Variants in WBP1L observed in about 807,000 individuals in gnomAD.
WBP1L encodes WW domain binding protein 1 like.
A neutral mutation model predicts 33.7 loss-of-function variants in WBP1L; 17 were observed. That is an observed-to-expected ratio of 0.50 (90% CI 0.34 to 0.76). WBP1L has a LOEUF of 0.76. Ranked by LOEUF, WBP1L falls within the 30% of genes least tolerant of loss-of-function variation. The probability of loss-of-function intolerance (pLI) is 0.01; values close to 1 mark genes in which losing one functional copy is unlikely to be tolerated. For missense variants in WBP1L, 389 were observed against 469.4 expected (o/e 0.83, Z 1.58); for synonymous variants, 173 against 190.8 (o/e 0.91, Z 0.77).
At chr10:102,750,374 G>A (rs551501052) in intron 1 of WBP1L, among the ~76,000 whole-genome samples, 3 of 151,618 alleles carry the variant, frequency 2.0e-5, no homozygotes, top group Non-Finnish European at 4.4e-5. Context: ...CAGTCTGGGC[G>A]ATAGAGTGAG....
chr10:102,763,193 T>G (rs1843064631), intron 1 of WBP1L, among the ~76,000 whole-genome samples: 2 of 93,352 alleles, frequency 2.1e-5, no homozygotes, highest in Admixed American at 1.5e-4. Context: ...GGTGACAGAG[T>G]GAAACTTTTG....
Position 102,763,986 on chromosome 10 carries a change from G to A in WBP1L, c.90+19843G>A, listed in dbSNP as rs200194802. On this transcript the variant is annotated intron_variant, in intron 1 of 3. Transcript: ENST00000448841. Reference sequence around the variant, plus strand: ...GCGCCACCACGCCCGGCTAATTTTCGTATTTTTGGTAAAGACATGGTTTCA... The same window carrying A: ...GCGCCACCACGCCCGGCTAATTTTCATATTTTTGGTAAAGACATGGTTTCA... 1.9e-4 allele frequency among the ~76,000 whole-genome samples: 28 copies of A among 150,834 alleles called. No homozygotes were observed. The South Asian group carries it at 2.5e-3, about 14-fold the overall frequency.
intron 1 of WBP1L, among the ~76,000 whole-genome samples, chr10:102,783,277 C>T (rs999935935): frequency 1.3e-5 from 2 of 152,214 alleles, no homozygotes; most frequent in Admixed American, 6.5e-5. Flanking sequence ...AGCCACGGTT[C>T]ATTCTCGCAC....
At chr10:102,754,236 C>G (rs1842949711) in intron 1 of WBP1L, among the ~76,000 whole-genome samples, 1 of 152,172 alleles carries the variant, frequency 6.6e-6, no homozygotes, top group Admixed American at 6.5e-5. Flanking sequence ...TTACTCCTTT[C>G]TTTTTCCCTG....
chr10:102,753,942 T>C (rs989330562), intron 1 of WBP1L, among the ~76,000 whole-genome samples: 6 of 152,256 alleles, frequency 3.9e-5, no homozygotes, highest in Non-Finnish European at 8.8e-5. Flanking sequence ...CATGCATTCA[T>C]GGAGAAAATA....
At chr10:102,748,776 TACAA>T (rs1358483652) in intron 1 of WBP1L, among the ~76,000 whole-genome samples, 1 of 152,216 alleles carries the variant, frequency 6.6e-6, no homozygotes. Flanking sequence ...GAAATGGAAG[TACAA>T]ACAAAGGACT....
chr10:102,772,117 G>A (rs999942000), intron 1 of WBP1L, among the ~76,000 whole-genome samples: 1 of 150,834 alleles, frequency 6.6e-6, no homozygotes, highest in Admixed American at 6.6e-5. Context: ...CCGCCACCAC[G>A]CTGGTTAATT....
chr10:102,771,932 TG>T (rs1203467449), intron 1 of WBP1L, among the ~76,000 whole-genome samples: 1 of 151,812 alleles, frequency 6.6e-6, no homozygotes, highest in African/African-American at 2.4e-5. Context: ...AGATGCTGCT[TG>T]GGGCCATAAG....
intron 1 of WBP1L, among the ~76,000 whole-genome samples, chr10:102,795,356 G>A (rs1298705495): frequency 6.6e-6 from 1 of 152,178 alleles, no homozygotes; most frequent in Non-Finnish European, 1.5e-5. Flanking sequence ...CCCATCGTAA[G>A]CCGAGAAACT....
At chr10:102,749,967 A>C (rs1255149177) in intron 1 of WBP1L, among the ~76,000 whole-genome samples, 1 of 151,252 alleles carries the variant, frequency 6.6e-6, no homozygotes, top group Non-Finnish European at 1.5e-5. Context: ...TTTTTTGTAG[A>C]TACGGGGTTT....
chr10:102,800,144 C>CTTTT (rs889776577), intron 2 of WBP1L, among the ~76,000 whole-genome samples: 1 of 152,192 alleles, frequency 6.6e-6, no homozygotes, highest in Admixed American at 6.5e-5. Context: ...TAGACAGACT[C>CTTTT]TGTTTAAATG....
At chr10:102,803,913 T>A (rs971097848) in intron 2 of WBP1L, 1 of 152,068 alleles carries the variant, frequency 6.6e-6, no homozygotes, top group Non-Finnish European at 1.5e-5. Flanking sequence ...TCCTTTTTTT[T>A]AAAGTTTTCT....
Position 102,813,217 on chromosome 10 carries a change from G to A in WBP1L, c.978G>A (p.Glu326=), listed in dbSNP as rs1843874695. 11 of 1,612,972 alleles carry A rather than the reference G, an allele frequency of 6.8e-6. No individual in the cohort carries two copies. The highest frequency in any genetic ancestry group is 9.3e-6 in the Non-Finnish European group (11 of 1,179,942). Residue 326 remains glutamate (E), a synonymous_variant, in exon 4 of 4, where the codon GAG becomes GAA. Transcript: ENST00000448841. ...AAGGCCTCTGTCAGTCCTCTGAGGA[G>A]CAGGCTCGAGAGCCTGGGCACCCGC... is the stretch of plus-strand genomic sequence containing the variant. ...EEEGLCQSSE[E]QAREPGHPHL... is the part of the protein sequence containing the mutation.
intron 1 of WBP1L, chr10:102,776,231 C>T: frequency 6.5e-7 from 1 of 1,534,902 alleles, no homozygotes; most frequent in Non-Finnish European, 8.8e-7. Context: ...AGTGTGCCTG[C>T]TCGGTCCCAG....
At chr10:102,806,145 G>A (rs1443478898) in intron 2 of WBP1L, among the ~76,000 whole-genome samples, 8 of 151,780 alleles carry the variant, frequency 5.3e-5, no homozygotes, top group South Asian at 4.2e-4. Context: ...CCTGGGAGGC[G>A]GAGGTTGCAG....
chr10:102,760,681 T>C (rs1843027766), intron 1 of WBP1L, among the ~76,000 whole-genome samples: 1 of 151,990 alleles, frequency 6.6e-6, no homozygotes, highest in Non-Finnish European at 1.5e-5. Context: ...GGCCGAGTCT[T>C]CCTTATTTCC....
chr10:102,806,771 C>T (rs149410645), intron 2 of WBP1L, among the ~76,000 whole-genome samples: 39 of 152,184 alleles, frequency 2.6e-4, no homozygotes, highest in African/African-American at 9.2e-4. Flanking sequence ...GCCAGCCTGC[C>T]GGGGCTGGGG....
intron 1 of WBP1L, among the ~76,000 whole-genome samples, chr10:102,780,885 A>G (rs745477857): frequency 6.6e-6 from 1 of 152,156 alleles, no homozygotes; most frequent in Non-Finnish European, 1.5e-5. Context: ...TAAGACACTA[A>G]TTTTACATCT....
intron 1 of WBP1L, among the ~76,000 whole-genome samples, chr10:102,778,700 C>T (rs1385987286): frequency 6.6e-6 from 1 of 152,164 alleles, no homozygotes; most frequent in Non-Finnish European, 1.5e-5. Context: ...TATTTTCTGT[C>T]AGACAGTGTA....
Sources: gnomAD v4.1 joint callset for allele counts (sites outside exome capture counted in the v4.1 genomes callset) on GRCh38, gnomAD v4.1.1 for gene constraint, MANE v1.5 for transcripts, NCBI Gene and HGNC (gene_info 2026-07-23, HGNC 2026-07-21) for gene names.